The following EIF3A variants were observed in gnomAD, a reference collection of about 807,000 sequenced individuals.
EIF3A encodes the protein eukaryotic translation initiation factor 3 subunit A, also known as EIF3, p180 subunit.
EIF3A carries 21 observed loss-of-function variants against 186.6 expected under a neutral mutation model. The observed-to-expected ratio is 0.11, with a 90% CI of 0.08 to 0.16. The LOEUF is 0.16. Ranked by LOEUF, EIF3A falls within the 10% of genes least tolerant of loss-of-function variation. The pLI, the probability that EIF3A is intolerant of heterozygous loss-of-function variation, is 1.00. For missense variants in EIF3A, 1,306 were observed against 1,796.3 expected, an observed-to-expected ratio of 0.73 and a Z score of 4.93; for synonymous variants, 563 against 584.3, an observed-to-expected ratio of 0.96 and a Z score of 0.52.
intron 19 of EIF3A, among the ~76,000 whole-genome samples, chr10:119,038,745 A>G (rs993563448): frequency 2.0e-5 from 3 of 152,106 alleles, no homozygotes; most frequent in African/African-American, 7.2e-5. Flanking sequence ...CCAACATGGT[A>G]ATAACCCTGT....
Position 119,036,063 on chromosome 10 carries a change from A to C in EIF3A, c.4125T>G (p.Asp1375Glu). ...CTTAACGTCGTACTGTGGTCCATCC[A>C]TCTTCATCAGTCTCATTTTTAGTAC... is the stretch of plus-strand genomic sequence containing the variant. The part of the protein sequence containing the change: ...LRRTKNETDE[D>E]GWTTVRR The change falls in exon 22 of 22, where the codon GAT becomes GAG. Residue 1375 changes from aspartate to glutamate, a missense_variant. This residue lies in a region of EIF3A where 331 missense variants were observed against 365.8 expected (regional missense o/e 0.90). Transcript: ENST00000369144. 1.2e-6 allele frequency: 2 copies of C among 1,613,998 alleles called. No individual in the cohort carries two copies. The highest frequency in any genetic ancestry group is 1.7e-6 in the Non-Finnish European group (2 of 1,179,838).
intron 19 of EIF3A, among the ~76,000 whole-genome samples, chr10:119,041,173 A>C (rs1027827314): frequency 6.6e-6 from 1 of 151,910 alleles, no homozygotes; most frequent in Admixed American, 6.6e-5. Flanking sequence ...GCAAGACTCC[A>C]CCTCAAAAAG....
At chr10:119,054,100 T>C (rs954891948) in intron 14 of EIF3A, among the ~76,000 whole-genome samples, 1 of 152,100 alleles carries the variant, frequency 6.6e-6, no homozygotes, top group Non-Finnish European at 1.5e-5. Flanking sequence ...TTTGTAATTT[T>C]AGTAGAGACG....
At chr10:119,037,410 A>G (rs1848147592) in intron 20 of EIF3A, 101 bp from the exon 21 acceptor site, 3 of 1,048,186 alleles carry the variant, frequency 2.9e-6, no homozygotes, top group African/African-American at 1.6e-5. Flanking sequence ...TTACAAATAT[A>G]ACAGACAGTT....
chr10:119,041,438 G>A (rs1848208161), intron 19 of EIF3A, among the ~76,000 whole-genome samples: 1 of 152,098 alleles, frequency 6.6e-6, no homozygotes, highest in African/African-American at 2.4e-5. Flanking sequence ...AGGGTGTGGT[G>A]GCATGCGCCT....
At position 119,049,926 on chromosome 10, in the gene EIF3A, G is replaced by C; in HGVS notation, c.2533C>G (p.Gln845Glu). The stretch of plus-strand genomic sequence containing the variant: ...TCTTCTAATTTCTTCACCCGCTCCT[G>C]ATACTCTCGTAGCTCTTCCTCGCGT... ...AKREEELREY[Q>E]ERVKKLEEVE... Residue 845 changes from glutamine (Q) to glutamate (E), a missense_variant, in exon 17 of 22, where the codon CAG (glutamine) becomes GAG (glutamate). Gln to Glu is a conservative substitution (Grantham distance 29, BLOSUM62 2). Around this residue, in one of 8 missense-constraint regions of EIF3A, gnomAD observed 410 missense variants for 473.5 expected, o/e 0.87. Coordinates refer to ENST00000369144, the MANE Select transcript of EIF3A (RefSeq NM_003750.4). 1 of 1,614,010 alleles carries C rather than the reference G, an allele frequency of 6.2e-7. No individual in the cohort carries two copies. The highest frequency in any genetic ancestry group is 1.3e-5 in the African/African-American group (1 of 74,960).
In EIF3A at chr10:119,034,020, A is replaced by G. The variant is rs1848093846; in HGVS notation, c.*2019T>C. On this transcript the variant is annotated 3_prime_UTR_variant, in exon 22 of 22. Coordinates refer to ENST00000369144, the MANE Select transcript of EIF3A (RefSeq NM_003750.4). ...TGTCTCTACTACTGGATCTATCTGT[A>G]TTAACAGCAATGTTACTCTCAATGA... 6.0e-6 allele frequency: 1 copy of G among 167,132 alleles called. No individual in the cohort carries two copies. Among genetic ancestry groups the G allele is most frequent in the South Asian group, 2.1e-4 (1 of 4,832 alleles). The allele number at this position is 167,132 out of a possible 1,614,324, so 10.4% of individuals were successfully genotyped here.
Position 119,051,249 on chromosome 10 carries a change from T to C in EIF3A, c.2269A>G (p.Arg757Gly). The change falls in exon 15 of 22, where the codon AGA becomes GGA. Residue 757 changes from arginine (R) to glycine (G), a missense_variant. Transcript: ENST00000369144. Reference sequence around the variant, plus strand: ...TTGAGTCGCATTACGAATAAATCTCTGTCTTCAAGCATTCGTGACATTCGA... The same window carrying C: ...TTGAGTCGCATTACGAATAAATCTCCGTCTTCAAGCATTCGTGACATTCGA... ...KNRMSRMLED[R>G]DLFVMRLKAA... is the part of the protein sequence containing the mutation. 2.5e-6 allele frequency: 4 copies of C among 1,611,824 alleles called. No individual in the cohort carries two copies. Among genetic ancestry groups the C allele is most frequent in the Non-Finnish European group, 2.5e-6 (3 of 1,179,098 alleles).
At chr10:119,060,138 C>T (rs927933935) in intron 9 of EIF3A, 2 of 500,262 alleles carry the variant, frequency 4.0e-6, no homozygotes, top group African/African-American at 4.0e-5. Flanking sequence ...GAAATGTGCA[C>T]AAATACTGAG....
In EIF3A at chr10:119,051,210, A is replaced by T. The variant is rs750567204; in HGVS notation, c.2308T>A (p.Ser770Thr). Residue 770 changes from serine to threonine, a missense_variant, in exon 15 of 22, where the codon TCT becomes ACT. This residue lies in a region of EIF3A where 410 missense variants were observed against 473.5 expected (regional missense o/e 0.87). Transcript: ENST00000369144. Reference sequence around the variant, plus strand: ...ATCAGCAAGCTCACCTCATAAACAGACTGCCGTGCAGCTTTGAGTCGCATT... The same window carrying T: ...ATCAGCAAGCTCACCTCATAAACAGTCTGCCGTGCAGCTTTGAGTCGCATT... Reference protein sequence around the residue: ...FVMRLKAARQSVYEEKLKQFE... With the variant: ...FVMRLKAARQTVYEEKLKQFE... 2 of 1,605,778 alleles carry T rather than the reference A, an allele frequency of 1.2e-6. No individual in the cohort carries two copies. The highest frequency in any genetic ancestry group is 1.7e-6 in the Non-Finnish European group (2 of 1,178,006).
At chr10:119,068,247 A>G (rs537512452) in intron 6 of EIF3A, among the ~76,000 whole-genome samples, 3 of 152,268 alleles carry the variant, frequency 2.0e-5, no homozygotes, top group Non-Finnish European at 4.4e-5. Context: ...TGTGGAGCAC[A>G]GGGAAAAAAT....
chr10:119,054,954 A>C (rs908430999), intron 14 of EIF3A, among the ~76,000 whole-genome samples: 1 of 152,198 alleles, frequency 6.6e-6, no homozygotes, highest in African/African-American at 2.4e-5. Context: ...TCACGCCTAT[A>C]ATCCCAGCAC....
At chr10:119,054,447 G>A (rs746504835) in intron 14 of EIF3A, among the ~76,000 whole-genome samples, 25 of 151,702 alleles carry the variant, frequency 1.6e-4, no homozygotes, top group Non-Finnish European at 3.5e-4. Flanking sequence ...AGGCACGGTG[G>A]CTCATGCCTG....
intron 1 of EIF3A, among the ~76,000 whole-genome samples, chr10:119,078,404 T>G (rs1844209366): frequency 6.6e-6 from 1 of 152,236 alleles, no homozygotes; most frequent in South Asian, 2.1e-4. Context: ...TATTTACATT[T>G]TATTAAGACA....
At chr10:119,071,998 C>A (rs1442026272) in intron 4 of EIF3A, among the ~76,000 whole-genome samples, 2 of 120,614 alleles carry the variant, frequency 1.7e-5, no homozygotes, top group African/African-American at 3.0e-5. Flanking sequence ...GCACTCCAGC[C>A]TGGGCCACAG....
At chr10:119,060,076 T>C (rs756911045) in intron 9 of EIF3A, 2 of 516,026 alleles carry the variant, frequency 3.9e-6, no homozygotes, top group Non-Finnish European at 7.7e-6. Context: ...CTTCAATTAT[T>C]TGTATAGCAC....
At chr10:119,052,743 T>C (rs1046726669) in intron 14 of EIF3A, among the ~76,000 whole-genome samples, 4 of 152,152 alleles carry the variant, frequency 2.6e-5, no homozygotes, top group Admixed American at 6.5e-5. Context: ...ACTCTACTCA[T>C]GTACCCCTCC....
Position 119,057,133 on chromosome 10 carries a change from C to T in EIF3A, c.1978-93G>A, listed in dbSNP as rs1843795145. The T allele has an allele frequency of 8.6e-6, 6 of 699,656 alleles. No individual in the cohort carries two copies. The East Asian group carries it at 1.0e-4, about 12-fold the overall frequency. 43.3% of individuals were successfully genotyped at this position (699,656 alleles called of 1,614,324 possible). ...CTTTCTAGAATAAAATCCTACATTG[C>T]TTTTATTGTTACAATGGGTGATAAT... On this transcript the variant is annotated intron_variant, in intron 12 of 21. Transcript: ENST00000369144.
intron 7 of EIF3A, 31 bp from the exon 8 acceptor site, chr10:119,061,359 C>G: frequency 1.0e-6 from 1 of 1,003,022 alleles, no homozygotes; most frequent in South Asian, 1.6e-5. Context: ...GATGTAACTG[C>G]CAAAGGAAAT....
Sources: allele counts gnomAD v4.1 joint callset (sites outside exome capture counted in the v4.1 genomes callset), GRCh38; gene constraint gnomAD v4.1.1; regional missense constraint gnomAD v4.1.1; transcripts MANE v1.5; gene names NCBI Gene and HGNC (gene_info 2026-07-23, HGNC 2026-07-21).